The following CRYBG1 variants were observed in gnomAD, a reference collection of about 807,000 sequenced individuals.
CRYBG1 encodes crystallin beta-gamma domain containing 1.
Under a neutral mutation model 189.2 loss-of-function variants are expected in CRYBG1, and 139 were observed. The ratio of observed to expected loss-of-function variants is 0.73; its 90% CI spans 0.64 to 0.85. The LOEUF (loss-of-function observed/expected upper bound fraction) is 0.85. CRYBG1 is among the 40% of genes least tolerant of loss of function. The pLI, the probability that CRYBG1 is intolerant of heterozygous loss-of-function variation, is 0.00. For missense variants in CRYBG1, 2,611 were observed against 2,675.8 expected, an observed-to-expected ratio of 0.98 and a Z score of 0.53; for synonymous variants, 1,023 against 1,017.1, an observed-to-expected ratio of 1.01 and a Z score of -0.11.
intron 2 of CRYBG1, among the ~76,000 whole-genome samples, chr6:106,465,737 CTG>C (rs1266001257): frequency 6.6e-6 from 1 of 152,102 alleles, no homozygotes; most frequent in African/African-American, 2.4e-5. Context: ...TTAAAAGAAA[CTG>C]TATCACATTG....
In CRYBG1 at chr6:106,473,457, G is replaced by T. The variant is rs540167157; in HGVS notation, c.312+21625G>T. Among the ~76,000 whole-genome samples the T allele has an allele frequency of 3.9e-5, 6 of 152,282 alleles. No individual in the cohort carries two copies. In the South Asian group the frequency reaches 1.0e-3, roughly 26 times the overall value. On this transcript the variant is annotated intron_variant, in intron 2 of 21. Coordinates refer to ENST00000633556, the MANE Select transcript of CRYBG1 (RefSeq NM_001371242.2). Reference sequence around the variant, plus strand: ...TTGAGATATATTGGTCTATACAGTGGTTAGTATACACAGATATATTTCCTT... The same window carrying T: ...TTGAGATATATTGGTCTATACAGTGTTTAGTATACACAGATATATTTCCTT...
chr6:106,422,581 C>T (rs935454361), intron 1 of CRYBG1, among the ~76,000 whole-genome samples: 2 of 69,998 alleles, frequency 2.9e-5, no homozygotes, highest in African/African-American at 2.5e-4. Context: ...AATCCACCCC[C>T]CTCCCAGCCT....
Position 106,544,882 on chromosome 6 carries a change from AG to A in CRYBG1, c.5263del (p.Glu1755ArgfsTer6). The A allele has an allele frequency of 6.2e-7, 1 of 1,613,696 alleles. No homozygotes were observed. Among genetic ancestry groups the A allele is most frequent in the Non-Finnish European group, 8.5e-7 (1 of 1,179,842 alleles). ...GTATTGGGAATTGTTGCTAATTTAA[AG>A]GAGACTGGATATGGAGTGAAGACAC... is the stretch of plus-strand genomic sequence containing the variant. ...IDVLGIVANL[K>X]ETGYGVKTQS... On this transcript the variant is annotated frameshift_variant, in exon 13 of 22. Coordinates refer to ENST00000633556, the MANE Select transcript of CRYBG1 (RefSeq NM_001371242.2). LOFTEE classifies it high-confidence loss of function.
chr6:106,494,846 A>T (rs551162318), intron 2 of CRYBG1, among the ~76,000 whole-genome samples: 1 of 152,244 alleles, frequency 6.6e-6, no homozygotes. Context: ...TTTGTTTTTT[A>T]AAAAAGTGTA....
At chr6:106,395,244 A>G (rs1391965791) in intron 1 of CRYBG1, among the ~76,000 whole-genome samples, 1 of 151,626 alleles carries the variant, frequency 6.6e-6, no homozygotes, top group African/African-American at 2.4e-5. Context: ...AAACAATTTT[A>G]AAAATATAAA....
chr6:106,561,589 G>C (rs957979255), intron 20 of CRYBG1, 89 bp downstream of exon 20: 1 of 1,441,660 alleles, frequency 6.9e-7, no homozygotes, highest in African/African-American at 1.4e-5. Flanking sequence ...TCTTCAAGTA[G>C]ATGCAATTTC....
At chr6:106,540,824 TA>T (rs1206063694) in intron 9 of CRYBG1, among the ~76,000 whole-genome samples, 1 of 152,168 alleles carries the variant, frequency 6.6e-6, no homozygotes, top group East Asian at 1.9e-4. Flanking sequence ...ATATTAATTT[TA>T]AAAAAATCCA....
At chr6:106,487,213 AT>A (rs1772610909) in intron 2 of CRYBG1, among the ~76,000 whole-genome samples, 1 of 152,086 alleles carries the variant, frequency 6.6e-6, no homozygotes, top group African/African-American at 2.4e-5. Context: ...ACCTTTTTGC[AT>A]TTTGGTTGCT....
chr6:106,381,044 A>G (rs573051953), intron 1 of CRYBG1, among the ~76,000 whole-genome samples: 6 of 152,202 alleles, frequency 3.9e-5, no homozygotes, highest in Non-Finnish European at 7.3e-5. Flanking sequence ...TGGATTACAT[A>G]AATGCTATTT....
chr6:106,462,150 G>GTTT (rs1772019623), intron 2 of CRYBG1, among the ~76,000 whole-genome samples: 2 of 151,786 alleles, frequency 1.3e-5, no homozygotes, highest in African/African-American at 4.8e-5. Context: ...TTTTTTGTTT[G>GTTT]TTTGTTTTTT....
chr6:106,490,838 A>G (rs1368276417), intron 2 of CRYBG1, among the ~76,000 whole-genome samples: 2 of 152,046 alleles, frequency 1.3e-5, no homozygotes, highest in Non-Finnish European at 2.9e-5. Flanking sequence ...CCTTTCTCAC[A>G]CTCTGTGAAA....
rs1410046138 is a variant in CRYBG1 at position 106,520,743 on chromosome 6, C to T, written c.3535C>T (p.Gln1179Ter). The change falls in exon 4 of 22, where the codon CAG becomes TAG. Residue 1179 changes from glutamine (Q) to a stop codon, truncating the protein, a stop_gained. Coordinates refer to ENST00000633556, the MANE Select transcript of CRYBG1 (RefSeq NM_001371242.2). LOFTEE classifies it high-confidence loss of function. ...AATGTCACCGGCTTTACATTTGATGCAGAACCTTGACACAAAATCCAAACT... is the reference window on the plus strand; with the variant it reads ...AATGTCACCGGCTTTACATTTGATGTAGAACCTTGACACAAAATCCAAACT... ...PEMSPALHLMQNLDTKSKLRP... is the reference protein window; with the variant it reads ...PEMSPALHLM The T allele has an allele frequency of 6.2e-7, 1 of 1,614,102 alleles. No individual in the cohort carries two copies. The highest frequency in any genetic ancestry group is 8.5e-7 in the Non-Finnish European group (1 of 1,180,016).
At chr6:106,406,727 A>C (rs897020086) in intron 1 of CRYBG1, among the ~76,000 whole-genome samples, 1 of 152,250 alleles carries the variant, frequency 6.6e-6, no homozygotes, top group Admixed American at 6.5e-5. Flanking sequence ...AGTGGAGGCC[A>C]ATATTCAACA....
intron 2 of CRYBG1, among the ~76,000 whole-genome samples, chr6:106,454,128 C>G (rs887945593): frequency 1.3e-5 from 2 of 152,174 alleles, no homozygotes; most frequent in Non-Finnish European, 2.9e-5. Flanking sequence ...TTGTCTCCCT[C>G]TCTCCCCATC....
chr6:106,551,745 A>G (rs1774409271), intron 13 of CRYBG1, 107 bp from the exon 14 acceptor site: 3 of 1,298,960 alleles, frequency 2.3e-6, no homozygotes, highest in African/African-American at 3.0e-5. Context: ...TAAAATTTCA[A>G]TTGGCAAAAC....
At position 106,511,967 on chromosome 6, in the gene CRYBG1, G is replaced by A. The variant is rs1361740713; in HGVS notation, c.850G>A (p.Gly284Ser). The A allele has an allele frequency of 5.9e-6, 9 of 1,529,354 alleles. No individual in the cohort carries two copies. The highest frequency in any genetic ancestry group is 4.8e-5 in the South Asian group (4 of 83,472). 94.7% of individuals were successfully genotyped at this position (1,529,354 alleles called of 1,614,324 possible). A position where few individuals can be genotyped will look rare whatever the true frequency, so the allele number is the denominator to read the frequency against. ...SPGEDASPGAGHEQEAFLGVR... is the reference protein window; with the variant it reads ...SPGEDASPGASHEQEAFLGVR... ...GGGGGAGGACGCTTCACCAGGTGCT[G>A]GCCACGAACAGGAGGCTTTCCTGGG... Residue 284 changes from glycine to serine, a missense_variant, in exon 3 of 22, where the codon GGC becomes AGC. Coordinates refer to ENST00000633556, the MANE Select transcript of CRYBG1 (RefSeq NM_001371242.2).
intron 1 of CRYBG1, among the ~76,000 whole-genome samples, chr6:106,398,410 C>T (rs993471701): frequency 2.6e-5 from 4 of 152,022 alleles, no homozygotes; most frequent in Admixed American, 6.6e-5. Flanking sequence ...TGCTACTGTA[C>T]TCCAGCCTGG....
chr6:106,474,977 A>T (rs1772307209), intron 2 of CRYBG1, among the ~76,000 whole-genome samples: 1 of 152,172 alleles, frequency 6.6e-6, no homozygotes, highest in African/African-American at 2.4e-5. Flanking sequence ...ATTTTTTAAA[A>T]ACAAAACAAA....
At chr6:106,519,009 C>A (rs1773514453) in intron 3 of CRYBG1, 122 bp from the exon 4 acceptor site, 3 of 787,258 alleles carry the variant, frequency 3.8e-6, no homozygotes, top group Non-Finnish European at 5.6e-6. Flanking sequence ...ACACACACAC[C>A]ACACTCCAAA....
Sources: gnomAD v4.1 joint callset for allele counts (sites outside exome capture counted in the v4.1 genomes callset) on GRCh38, gnomAD v4.1.1 for gene constraint, MANE v1.5 for transcripts, NCBI Gene and HGNC (gene_info 2026-07-23, HGNC 2026-07-21) for gene names.